The following LHFPL2 variants were observed in gnomAD, a reference collection of about 807,000 sequenced individuals.
The protein encoded by LHFPL2 is LHFPL tetraspan subfamily member 2.
LHFPL2 carries 7 observed loss-of-function variants against 17.5 expected under a neutral mutation model. The observed-to-expected ratio is 0.40, with a 90% confidence interval of 0.23 to 0.75. The LOEUF (loss-of-function observed/expected upper bound fraction) is 0.75, where lower values mean the gene tolerates loss of function less well. LHFPL2 is among the 30% of genes least tolerant of loss of function. The pLI, the probability that LHFPL2 is intolerant of heterozygous loss-of-function variation, is 0.37. For missense variants in LHFPL2, 241 were observed against 294.8 expected, an observed-to-expected ratio of 0.82 and a Z score of 1.34; for synonymous variants, 134 against 116.2, an observed-to-expected ratio of 1.15 and a Z score of -0.99.
chr5:78,508,336 G>C (rs1428861), intron 4 of LHFPL2, among the ~76,000 whole-genome samples: 17,571 of 152,208 alleles, frequency 0.12, 1,234 homozygotes, highest in Admixed American at 0.19. Context: ...CTTGTGGTGT[G>C]GCTGATCCTG....
At chr5:78,614,997 T>C (rs550575994) in intron 2 of LHFPL2, among the ~76,000 whole-genome samples, 1 of 152,390 alleles carries the variant, frequency 6.6e-6, no homozygotes, top group South Asian at 2.1e-4. Flanking sequence ...GCTTGTTTTA[T>C]CTTAGCCACA....
chr5:78,572,421 CAT>C (rs775947937), intron 2 of LHFPL2, among the ~76,000 whole-genome samples: 92 of 149,018 alleles, frequency 6.2e-4, no homozygotes, highest in African/African-American at 1.6e-3. Context: ...ATTTTATATA[CAT>C]ATATATATAT....
At chr5:78,557,772 A>G (rs1202462696) in intron 3 of LHFPL2, among the ~76,000 whole-genome samples, 1 of 152,138 alleles carries the variant, frequency 6.6e-6, no homozygotes, top group Non-Finnish European at 1.5e-5. Flanking sequence ...TGGTAACATA[A>G]GGTACAGAGA....
At chr5:78,512,805 C>G (rs528870110) in intron 3 of LHFPL2, among the ~76,000 whole-genome samples, 42 of 150,382 alleles carry the variant, frequency 2.8e-4, no homozygotes, top group African/African-American at 9.3e-4. Flanking sequence ...CACTGTGTCA[C>G]CCAGGCTGGA....
chr5:78,635,894 T>C (rs1452849583), intron 1 of LHFPL2, among the ~76,000 whole-genome samples: 2 of 152,208 alleles, frequency 1.3e-5, no homozygotes, highest in Non-Finnish European at 2.9e-5. Context: ...TTAGTTTTCA[T>C]ATATAGATCA....
intron 1 of LHFPL2, among the ~76,000 whole-genome samples, chr5:78,641,179 C>A (rs1252685209): frequency 6.6e-6 from 1 of 152,198 alleles, no homozygotes; most frequent in East Asian, 1.9e-4. Flanking sequence ...AATCTGTGTG[C>A]TTTTAGGACC....
At chr5:78,646,896 G>A (rs758667883) in intron 1 of LHFPL2, among the ~76,000 whole-genome samples, 4 of 152,146 alleles carry the variant, frequency 2.6e-5, no homozygotes, top group Admixed American at 6.5e-5. Flanking sequence ...TTCATTTGCA[G>A]TGTAATTATT....
intron 2 of LHFPL2, among the ~76,000 whole-genome samples, chr5:78,580,823 G>A (rs1373698778): frequency 5.9e-5 from 9 of 152,010 alleles, no homozygotes; most frequent in African/African-American, 7.2e-5. Context: ...TTGACTTAGC[G>A]ATGCGGGCTC....
chr5:78,647,355 AG>A (rs1212456512), intron 1 of LHFPL2, among the ~76,000 whole-genome samples: 3 of 152,220 alleles, frequency 2.0e-5, no homozygotes, highest in African/African-American at 7.2e-5. Context: ...ACCTAGCAGG[AG>A]TGGAGCTCTC....
chr5:78,565,011 T>C (rs1756821913), intron 2 of LHFPL2, 140 bp from the exon 3 acceptor site: 1 of 152,188 alleles, frequency 6.6e-6, no homozygotes, highest in Non-Finnish European at 1.5e-5. Context: ...TCAACTTGCA[T>C]TAGAACACGG....
At chr5:78,616,286 C>T (rs1011480754) in intron 2 of LHFPL2, among the ~76,000 whole-genome samples, 1 of 152,040 alleles carries the variant, frequency 6.6e-6, no homozygotes, top group Admixed American at 6.6e-5. Context: ...GCCACCTCAC[C>T]CGGCTAATTT....
chr5:78,632,807 A>G (rs778712254), intron 1 of LHFPL2, among the ~76,000 whole-genome samples: 8 of 152,214 alleles, frequency 5.3e-5, no homozygotes, highest in Non-Finnish European at 1.2e-4. Flanking sequence ...ACAAGGGTAT[A>G]TATGAGCCTT....
intron 2 of LHFPL2, among the ~76,000 whole-genome samples, chr5:78,575,968 A>T (rs558570722): frequency 6.6e-6 from 1 of 152,262 alleles, no homozygotes; most frequent in African/African-American, 2.4e-5. Flanking sequence ...GTGCAATCTT[A>T]CAGGGATGAG....
At chr5:78,524,535 A>G (rs1755557952) in intron 3 of LHFPL2, among the ~76,000 whole-genome samples, 1 of 152,166 alleles carries the variant, frequency 6.6e-6, no homozygotes, top group Non-Finnish European at 1.5e-5. Flanking sequence ...TGAGCCCAGG[A>G]GTTCAAGATC....
chr5:78,565,192 G>C (rs896114451), intron 2 of LHFPL2, among the ~76,000 whole-genome samples: 4 of 152,242 alleles, frequency 2.6e-5, no homozygotes, highest in African/African-American at 9.6e-5. Flanking sequence ...TGTCCGGGAG[G>C]ACACTTTATG....
At chr5:78,581,239 A>G (rs1743124502) in intron 2 of LHFPL2, among the ~76,000 whole-genome samples, 1 of 152,214 alleles carries the variant, frequency 6.6e-6, no homozygotes, top group African/African-American at 2.4e-5. Context: ...ATCTGCAAAC[A>G]GGGACAATTT....
chr5:78,595,295 A>G (rs541596046), intron 2 of LHFPL2, among the ~76,000 whole-genome samples: 3 of 152,304 alleles, frequency 2.0e-5, no homozygotes, highest in African/African-American at 7.2e-5. Context: ...CACAAACCAA[A>G]CATCTGAAAT....
At chr5:78,553,848 A>C (rs1179976722) in intron 3 of LHFPL2, among the ~76,000 whole-genome samples, 3 of 152,220 alleles carry the variant, frequency 2.0e-5, no homozygotes, top group African/African-American at 7.2e-5. Flanking sequence ...TAGGCTGATT[A>C]GCTCTGAGGA....
rs1350258606 is a variant in LHFPL2 at position 78,648,429 on chromosome 5, G to T, written c.-350+70C>A. 1 of 151,744 alleles carries T rather than the reference G, an allele frequency of 6.6e-6. No individual in the cohort carries two copies. The highest frequency in any genetic ancestry group is 1.5e-5 in the Non-Finnish European group (1 of 67,918). The allele number at this position is 151,744 out of a possible 1,614,324, so 9.4% of individuals were successfully genotyped here. A position where few individuals can be genotyped will look rare whatever the true frequency, so the allele number is the denominator to read the frequency against. On this transcript the variant is annotated intron_variant, in intron 1 of 4. Coordinates refer to ENST00000380345, the MANE Select transcript of LHFPL2 (RefSeq NM_005779.3). The surrounding 1 kb of genome is among the most constrained non-coding windows in gnomAD (Gnocchi z 5.4). ...ACGGCTCCCCATGCGCCCGCGCGGGGCGCCCACCTGGCCGGGCCCACCGGC... is the reference window on the plus strand; with the variant it reads ...ACGGCTCCCCATGCGCCCGCGCGGGTCGCCCACCTGGCCGGGCCCACCGGC...
Sources: allele counts gnomAD v4.1 joint callset (sites outside exome capture counted in the v4.1 genomes callset), GRCh38; gene constraint gnomAD v4.1.1; non-coding constraint Gnocchi (gnomAD v3.1); transcripts MANE v1.5; gene names NCBI Gene and HGNC (gene_info 2026-07-23, HGNC 2026-07-21).